The following SEPTIN9 variants were observed in gnomAD, a reference collection of about 807,000 sequenced individuals.
SEPTIN9 encodes septin-9.
A neutral mutation model predicts 56.6 loss-of-function variants in SEPTIN9; 13 were observed. The observed-to-expected ratio is 0.23, with a 90% confidence interval of 0.15 to 0.37. The LOEUF (loss-of-function observed/expected upper bound fraction) is 0.37, where lower values mean the gene tolerates loss of function less well. Among genes scored for constraint, SEPTIN9 ranks in the 10% least tolerant of loss-of-function variants. The pLI, the probability that SEPTIN9 is intolerant of heterozygous loss-of-function variation, is 1.00. For missense variants in SEPTIN9, 650 were observed against 823.1 expected (o/e 0.79, Z 2.57); for synonymous variants, 332 against 334.1 (o/e 0.99, Z 0.07).
chr17:77,369,795 C>A lies in SEPTIN9; in HGVS notation c.77-32264C>A, dbSNP rs564027269. Among the ~76,000 whole-genome samples, 1 of 152,350 alleles carries A rather than the reference C, an allele frequency of 6.6e-6. No individual in the cohort carries two copies. Among genetic ancestry groups the A allele is most frequent in the South Asian group, 2.1e-4 (1 of 4,828 alleles). On this transcript the variant is annotated intron_variant, in intron 2 of 11. Coordinates refer to ENST00000427177, the MANE Select transcript of SEPTIN9 (RefSeq NM_001113491.2). This position sits in a 1 kb window ranked among gnomAD's most constrained non-coding sequence, Gnocchi z 4.9. The stretch of plus-strand genomic sequence containing the variant: ...TTGCTTCCCTGCCAGCTGAGCCTCT[C>A]CATGGAGGCTGTGCCTGGAGGGGGG...
At chr17:77,455,856 A>G (rs1255529064) in intron 3 of SEPTIN9, among the ~76,000 whole-genome samples, 1 of 152,218 alleles carries the variant, frequency 6.6e-6, no homozygotes, top group Non-Finnish European at 1.5e-5. Flanking sequence ...ATCCCGAGAC[A>G]GTCTCACAAG....
At position 77,425,688 on chromosome 17, in the gene SEPTIN9, C is replaced by CCTTTAG. The variant is rs2036880734; in HGVS notation, c.721+22986_721+22987insTTTAGC. On this transcript the variant is annotated intron_variant, in intron 3 of 11. Transcript: ENST00000427177. The surrounding 1 kb of genome is among the most constrained non-coding windows in gnomAD (Gnocchi z 4.2). ...TTGGGAAAGGTAGGGTCTTTGTGCC[C>CCTTTAG]CCTCCCACCCAGGGACCTGGCATGT... Among the ~76,000 whole-genome samples the CCTTTAG allele has an allele frequency of 6.6e-6, 1 of 152,182 alleles. No individual in the cohort carries two copies. The highest frequency in any genetic ancestry group is 2.1e-4 in the South Asian group (1 of 4,832).
intron 3 of SEPTIN9, among the ~76,000 whole-genome samples, chr17:77,443,645 A>C (rs935254336): frequency 6.6e-6 from 1 of 151,980 alleles, no homozygotes; most frequent in Non-Finnish European, 1.5e-5. Flanking sequence ...ATACAAAAAA[A>C]AATTAGCTTG....
At chr17:77,460,172 G>C (rs868850946) in intron 3 of SEPTIN9, among the ~76,000 whole-genome samples, 1 of 152,048 alleles carries the variant, frequency 6.6e-6, no homozygotes, top group South Asian at 2.1e-4. Flanking sequence ...CTCTCTGTGC[G>C]TGCGTCAGTT....
At chr17:77,418,401 G>C (rs1598343895) in intron 3 of SEPTIN9, among the ~76,000 whole-genome samples, 1 of 151,976 alleles carries the variant, frequency 6.6e-6, no homozygotes, top group South Asian at 2.1e-4. Context: ...GGAGTGCAGT[G>C]GTGCCATCTT....
At chr17:77,297,576 G>A (rs971954498) in intron 1 of SEPTIN9, among the ~76,000 whole-genome samples, 6 of 152,204 alleles carry the variant, frequency 3.9e-5, no homozygotes, top group South Asian at 4.1e-4. Flanking sequence ...TCTCCATCCC[G>A]TCTAAAGAAG....
intron 2 of SEPTIN9, among the ~76,000 whole-genome samples, chr17:77,392,264 A>G (rs997220090): frequency 6.6e-6 from 1 of 152,192 alleles, no homozygotes. Context: ...CAGGGTTGCC[A>G]GAGGCAGAGA....
chr17:77,387,600 G>A (rs933066079), intron 2 of SEPTIN9, among the ~76,000 whole-genome samples: 4 of 152,146 alleles, frequency 2.6e-5, no homozygotes, highest in African/African-American at 7.2e-5. Flanking sequence ...GAGACACCGC[G>A]GATCTCCTCT....
chr17:77,391,280 T>G (rs563430415), intron 2 of SEPTIN9, among the ~76,000 whole-genome samples: 1 of 152,150 alleles, frequency 6.6e-6, no homozygotes, highest in Non-Finnish European at 1.5e-5. Flanking sequence ...TTCTTTTCTG[T>G]GTTCTGTTCC....
chr17:77,488,234 G>A lies in SEPTIN9; in HGVS notation c.1043-6G>A. The stretch of plus-strand genomic sequence containing the variant: ...CCTCTGACTCTGCGTCCGTGGCTCT[G>A]TGCAGATATTGAGGAGAAAGGCGTC... On this transcript the variant is annotated splice_polypyrimidine_tract_variant and splice_region_variant and intron_variant, in intron 5 of 11. Transcript: ENST00000427177. The A allele has an allele frequency of 9.3e-6, 15 of 1,613,696 alleles. No homozygotes were observed. Among genetic ancestry groups the A allele is most frequent in the Non-Finnish European group, 1.3e-5 (15 of 1,179,766 alleles).
chr17:77,428,699 G>A (rs1293009937), intron 3 of SEPTIN9, among the ~76,000 whole-genome samples: 5 of 152,156 alleles, frequency 3.3e-5, no homozygotes, highest in Non-Finnish European at 5.9e-5. Flanking sequence ...TGCTGGATGG[G>A]AGGGTGTTGG....
chr17:77,379,255 G>C (rs574990825), intron 2 of SEPTIN9, among the ~76,000 whole-genome samples: 1 of 152,004 alleles, frequency 6.6e-6, no homozygotes, highest in Non-Finnish European at 1.5e-5. Flanking sequence ...GGAGGTGGAG[G>C]GGGGACTGGG....
At position 77,306,122 on chromosome 17, in the gene SEPTIN9, A is replaced by T. The variant is rs529718065; in HGVS notation, c.20-1019A>T. ...GATGGATGGATGGGTGAATGGAGTA[A>T]ATGAGTGGGTGGATGGATGGATGGA... On this transcript the variant is annotated intron_variant, in intron 1 of 11. Transcript: ENST00000427177. Among the ~76,000 whole-genome samples, 16 of 150,992 alleles carry T rather than the reference A, an allele frequency of 1.1e-4. No individual in the cohort carries two copies. In the South Asian group the frequency reaches 3.2e-3, roughly 30 times the overall value.
chr17:77,342,356 A>G (rs2033761032), intron 2 of SEPTIN9, among the ~76,000 whole-genome samples: 2 of 152,172 alleles, frequency 1.3e-5, no homozygotes, highest in South Asian at 4.1e-4. Flanking sequence ...CCGTAAGGAA[A>G]ACACTTCATT....
intron 1 of SEPTIN9, chr17:77,286,197 A>T (rs1168688043): frequency 6.6e-6 from 1 of 152,292 alleles, no homozygotes; most frequent in African/African-American, 2.4e-5. Flanking sequence ...GGCTGAGCCT[A>T]AGTCCTGGGG....
In SEPTIN9 at chr17:77,392,408, G is replaced by A. The variant is rs78848697; in HGVS notation, c.77-9651G>A. On this transcript the variant is annotated intron_variant, in intron 2 of 11. Transcript: ENST00000427177. ...TTCAGGGATACTATTGACGCTCCCT[G>A]CACCTCCATCCAGGGGTTAGTGGAA... 4.9e-4 allele frequency among the ~76,000 whole-genome samples: 75 copies of A among 152,328 alleles called. 1 individual carries two copies. The East Asian group carries it at 0.012, about 24-fold the overall frequency.
At chr17:77,410,011 C>T (rs1198428147) in intron 3 of SEPTIN9, among the ~76,000 whole-genome samples, 2 of 152,168 alleles carry the variant, frequency 1.3e-5, no homozygotes, top group African/African-American at 4.8e-5. Flanking sequence ...AGTTGGACTC[C>T]ACTTCCTCTC....
intron 3 of SEPTIN9, among the ~76,000 whole-genome samples, chr17:77,438,738 CTG>C (rs1304334586): frequency 6.6e-6 from 1 of 152,196 alleles, no homozygotes; most frequent in Non-Finnish European, 1.5e-5. Flanking sequence ...TGGGACTAAT[CTG>C]TGTTGTTTGA....
chr17:77,307,806 T>C (rs1289886615), intron 2 of SEPTIN9, among the ~76,000 whole-genome samples: 1 of 152,182 alleles, frequency 6.6e-6, no homozygotes, highest in Non-Finnish European at 1.5e-5. Flanking sequence ...TTACAGCTTA[T>C]AGGCTTGAAG....
Sources: gnomAD v4.1 joint callset for allele counts (sites outside exome capture counted in the v4.1 genomes callset) on GRCh38, gnomAD v4.1.1 for gene constraint, Gnocchi (gnomAD v3.1) non-coding constraint, MANE v1.5 for transcripts, NCBI Gene and HGNC (gene_info 2026-07-23, HGNC 2026-07-21) for gene names.